Variants in RTL4 observed in about 807,000 individuals in gnomAD.
The protein encoded by RTL4 is retrotransposon Gag-like protein 4.
A neutral mutation model predicts 5.3 loss-of-function variants in RTL4; 4 were observed. The observed-to-expected ratio is 0.75, with a 90% CI of 0.37 to 1.72. The LOEUF is 1.72. RTL4 is among the 40% of genes most tolerant of loss of function. RTL4 has a pLI of 0.04. For missense variants in RTL4, 260 were observed against 227.1 expected, an observed-to-expected ratio of 1.14 and a Z score of -0.93; for synonymous variants, 98 against 87.3, an observed-to-expected ratio of 1.12 and a Z score of -0.68.
At chrX:112,189,229 A>AT in the RTL4 span, among the ~76,000 whole-genome samples, 2 of 110,903 alleles carry the variant, frequency 1.8e-5, no homozygotes, top group African/African-American at 6.6e-5. Flanking sequence ...CCCCAACTCA[A>AT]TTTTTTAAAA....
chrX:112,223,079 G>T, the RTL4 span, among the ~76,000 whole-genome samples: 1 of 112,534 alleles, frequency 8.9e-6, no homozygotes, highest in African/African-American at 3.2e-5. Context: ...AAGACAAAGA[G>T]GAAGAAGGGC....
At chrX:112,428,107 C>A in the RTL4 span, among the ~76,000 whole-genome samples, 4,494 of 111,461 alleles carry the variant, frequency 0.04, 205 homozygotes, top group African/African-American at 0.13. Context: ...TTATTTTGTT[C>A]TTTTTCATGG....
At chrX:112,386,239 G>A in the RTL4 span, among the ~76,000 whole-genome samples, 1 of 112,060 alleles carries the variant, frequency 8.9e-6, no homozygotes, top group Non-Finnish European at 1.9e-5. Context: ...TTTATCCTTT[G>A]TGTTACAAAC....
chrX:112,267,707 T>C, the RTL4 span, among the ~76,000 whole-genome samples: 1 of 111,728 alleles, frequency 9.0e-6, no homozygotes, highest in Non-Finnish European at 1.9e-5. Context: ...CTATAGTCTC[T>C]CCCATCTCAG....
chrX:112,257,889 G>GTATA, the RTL4 span, among the ~76,000 whole-genome samples: 798 of 101,879 alleles, frequency 7.8e-3, 9 homozygotes, highest in African/African-American at 0.028. Context: ...ATATATATGT[G>GTATA]TATATATATA....
the RTL4 span, among the ~76,000 whole-genome samples, chrX:112,335,164 G>A: frequency 1.2e-4 from 13 of 111,938 alleles, no homozygotes; most frequent in South Asian, 4.8e-3. Flanking sequence ...CATTTGCCAT[G>A]TTCCTCTCTG....
At chrX:112,117,711 C>T in the RTL4 span, among the ~76,000 whole-genome samples, 6 of 111,260 alleles carry the variant, frequency 5.4e-5, no homozygotes, top group African/African-American at 1.3e-4. Context: ...GAAATGGGCA[C>T]GTGTACAATT....
At chrX:112,111,488 A>G in the RTL4 span, among the ~76,000 whole-genome samples, 39 of 112,501 alleles carry the variant, frequency 3.5e-4, no homozygotes, top group Admixed American at 6.5e-4. Context: ...GTGTGCAATA[A>G]CTCCATGATT....
the RTL4 span, among the ~76,000 whole-genome samples, chrX:112,416,299 A>T: frequency 8.9e-6 from 1 of 112,017 alleles, no homozygotes; most frequent in Non-Finnish European, 1.9e-5. Flanking sequence ...GTTTACATTA[A>T]CAGTTACCAG....
At chrX:112,421,472 G>A in the RTL4 span, among the ~76,000 whole-genome samples, 637 of 111,851 alleles carry the variant, frequency 5.7e-3, 6 homozygotes, top group African/African-American at 0.02. Context: ...GAACTTTTAC[G>A]AAAAGAAAAC....
the RTL4 span, among the ~76,000 whole-genome samples, chrX:112,321,259 G>A: frequency 1.2e-4 from 13 of 111,564 alleles, no homozygotes; most frequent in African/African-American, 1.6e-4. Flanking sequence ...AAATTTGGGC[G>A]GGGCTAGGTG....
chrX:112,236,446 TATATAGATATAG>T, the RTL4 span, among the ~76,000 whole-genome samples: 73 of 78,722 alleles, frequency 9.3e-4, 1 homozygote, highest in Non-Finnish European at 1.3e-3. Flanking sequence ...TCTATATCTA[TATATAGATATAG>T]ATCTATATCT....
chrX:112,205,235 G>T, the RTL4 span, among the ~76,000 whole-genome samples: 1 of 110,853 alleles, frequency 9.0e-6, no homozygotes, highest in Non-Finnish European at 1.9e-5. Context: ...AAAGCACAGA[G>T]CTCTGAGGCT....
chrX:112,158,079 T>C, the RTL4 span, among the ~76,000 whole-genome samples: 1 of 111,014 alleles, frequency 9.0e-6, no homozygotes, highest in Non-Finnish European at 1.9e-5. Flanking sequence ...TGCCATGTCC[T>C]ACTGCTTCCT....
At chrX:112,177,429 G>T in the RTL4 span, among the ~76,000 whole-genome samples, 2 of 110,942 alleles carry the variant, frequency 1.8e-5, no homozygotes, top group African/African-American at 6.6e-5. Flanking sequence ...GATGATTTGT[G>T]ACATTGAGTA....
At chrX:112,326,123 C>T in the RTL4 span, among the ~76,000 whole-genome samples, 197 of 111,592 alleles carry the variant, frequency 1.8e-3, no homozygotes, top group African/African-American at 5.9e-3. Context: ...GTTAGAATGG[C>T]GATCATTAAA....
At chrX:112,176,334 G>C in the RTL4 span, among the ~76,000 whole-genome samples, 2 of 112,089 alleles carry the variant, frequency 1.8e-5, no homozygotes, top group Non-Finnish European at 3.8e-5. Context: ...TCGTTTCTCA[G>C]TATTAGCTTA....
the RTL4 span, among the ~76,000 whole-genome samples, chrX:112,358,090 T>A: frequency 2.3e-4 from 26 of 111,083 alleles, no homozygotes; most frequent in African/African-American, 8.2e-4. Flanking sequence ...TTTCTTTTTT[T>A]CTTTCTTTCT....
the RTL4 span, among the ~76,000 whole-genome samples, chrX:112,379,053 C>T: frequency 0.32 from 35,334 of 111,522 alleles, 5,514 homozygotes; most frequent in African/African-American, 0.61. Context: ...GATCCACTGA[C>T]GTGTGATCCC....
Sources: gnomAD v4.1 joint callset for allele counts (sites outside exome capture counted in the v4.1 genomes callset) on GRCh38, gnomAD v4.1.1 for gene constraint, MANE v1.5 for transcripts, NCBI Gene and HGNC (gene_info 2026-07-23, HGNC 2026-07-21) for gene names.